The following FOXN3 variants were observed in gnomAD, a reference collection of about 807,000 sequenced individuals.
The protein encoded by FOXN3 is forkhead box protein N3.
Under a neutral mutation model 38.4 loss-of-function variants are expected in FOXN3, and 7 were observed. That is an observed-to-expected ratio of 0.18 (90% CI 0.10 to 0.34). The LOEUF is 0.34. FOXN3 is among the 10% of genes least tolerant of loss of function. The probability of loss-of-function intolerance (pLI) is 1.00; values close to 1 mark genes in which losing one functional copy is unlikely to be tolerated. For missense variants in FOXN3, 456 were observed against 613.4 expected, an observed-to-expected ratio of 0.74 and a Z score of 2.71; for synonymous variants, 230 against 242.2, an observed-to-expected ratio of 0.95 and a Z score of 0.47.
chr14:89,323,775 G>A (rs972771053), intron 3 of FOXN3, among the ~76,000 whole-genome samples: 2 of 151,956 alleles, frequency 1.3e-5, no homozygotes, highest in Non-Finnish European at 2.9e-5. Flanking sequence ...TGACAACATC[G>A]ATCTAAAGGA....
At chr14:89,461,947 A>C (rs1030244370) in intron 1 of FOXN3, among the ~76,000 whole-genome samples, 2 of 152,210 alleles carry the variant, frequency 1.3e-5, no homozygotes, top group Non-Finnish European at 2.9e-5. Context: ...GGCAGTGCAT[A>C]CGACAGGCCC....
chr14:89,281,161 C>T (rs758383821), intron 3 of FOXN3, 147 bp from the exon 4 acceptor site: 1 of 675,428 alleles, frequency 1.5e-6, no homozygotes, highest in East Asian at 2.7e-5. Context: ...ATGAGGTCTG[C>T]TTTATTGTAA....
At position 89,280,942 on chromosome 14, in the gene FOXN3, G is replaced by T; in HGVS notation, c.745+8C>A. 2.5e-6 allele frequency: 4 copies of T among 1,612,766 alleles called. No individual in the cohort carries two copies. The highest frequency in any genetic ancestry group is 3.4e-6 in the Non-Finnish European group (4 of 1,179,136). ...GAGGGAGAGGAAGGGGTGTTACTAG[G>T]GACCTACCTTGGAGAAGGGCTCCAT... On this transcript the variant is annotated splice_region_variant and intron_variant, in intron 4 of 5. Coordinates refer to ENST00000557258, the MANE Select transcript of FOXN3 (RefSeq NM_005197.4).
chr14:89,231,139 A>G (rs1411343989), intron 4 of FOXN3, among the ~76,000 whole-genome samples: 1 of 152,198 alleles, frequency 6.6e-6, no homozygotes, highest in Non-Finnish European at 1.5e-5. Context: ...TGTTCTACTG[A>G]ACATAAAAGA....
chr14:89,556,251 A>G (rs1784316881), intron 1 of FOXN3, among the ~76,000 whole-genome samples: 1 of 152,036 alleles, frequency 6.6e-6, no homozygotes, highest in African/African-American at 2.4e-5. Flanking sequence ...TAAAAATACA[A>G]TATTAGCTGG....
intron 1 of FOXN3, among the ~76,000 whole-genome samples, chr14:89,526,173 CA>C (rs1290601832): frequency 6.6e-6 from 1 of 152,160 alleles, no homozygotes; most frequent in East Asian, 1.9e-4. Context: ...ACTATTATAT[CA>C]GGACTGAATG....
chr14:89,503,363 C>T (rs1396329557), intron 1 of FOXN3, among the ~76,000 whole-genome samples: 1 of 151,624 alleles, frequency 6.6e-6, no homozygotes, highest in African/African-American at 2.4e-5. Context: ...AATAAATCAC[C>T]ATTTATTTTT....
chr14:89,556,602 G>A (rs1895131470), intron 1 of FOXN3, among the ~76,000 whole-genome samples: 2 of 152,068 alleles, frequency 1.3e-5, no homozygotes, highest in African/African-American at 4.8e-5. Context: ...ATAAATAAAT[G>A]AATGCACCAA....
chr14:89,216,154 A>G (rs566828295), intron 4 of FOXN3, among the ~76,000 whole-genome samples: 3 of 152,284 alleles, frequency 2.0e-5, no homozygotes, highest in African/African-American at 7.2e-5. Context: ...CTTACAGAGG[A>G]CTTCCTGTGG....
At chr14:89,444,644 CA>C (rs1241033174) in intron 1 of FOXN3, among the ~76,000 whole-genome samples, 2 of 152,150 alleles carry the variant, frequency 1.3e-5, no homozygotes, top group Non-Finnish European at 2.9e-5. Context: ...TTCTCTGTAT[CA>C]GGTTTCATCA....
At chr14:89,433,119 C>A (rs1015723826) in intron 1 of FOXN3, among the ~76,000 whole-genome samples, 12 of 152,130 alleles carry the variant, frequency 7.9e-5, no homozygotes, top group African/African-American at 2.9e-4. Flanking sequence ...GAGGCCGAGG[C>A]GGGGTGAGTC....
intron 1 of FOXN3, among the ~76,000 whole-genome samples, chr14:89,459,563 C>T (rs1892795863): frequency 6.6e-6 from 1 of 152,172 alleles, no homozygotes; most frequent in Non-Finnish European, 1.5e-5. Context: ...TCAGCCCCGT[C>T]TAGGCAGCTA....
At chr14:89,258,173 C>A (rs1885684660) in intron 4 of FOXN3, among the ~76,000 whole-genome samples, 1 of 152,136 alleles carries the variant, frequency 6.6e-6, no homozygotes, top group Non-Finnish European at 1.5e-5. Context: ...GTTTGCCTGG[C>A]TTTTCTGTAG....
At chr14:89,417,769 C>A, upstream of FOXN3, 1 of 455,476 alleles carries the variant, frequency 2.2e-6, no homozygotes, top group Non-Finnish European at 4.4e-6. Context: ...TCCGAGCCCT[C>A]TCCCAGCGAC....
At chr14:89,297,864 A>G (rs1406919176) in intron 3 of FOXN3, among the ~76,000 whole-genome samples, 1 of 152,308 alleles carries the variant, frequency 6.6e-6, no homozygotes, top group East Asian at 1.9e-4. Flanking sequence ...ACACACCTGT[A>G]GTCCCAGCTA....
At chr14:89,323,895 G>T (rs993652842) in intron 3 of FOXN3, among the ~76,000 whole-genome samples, 2 of 152,114 alleles carry the variant, frequency 1.3e-5, no homozygotes, top group African/African-American at 2.4e-5. Flanking sequence ...CCAAGTTTTG[G>T]CTCTGTCATT....
chr14:89,281,524 C>T (rs79383493), intron 3 of FOXN3, among the ~76,000 whole-genome samples: 3 of 152,140 alleles, frequency 2.0e-5, no homozygotes, highest in East Asian at 1.9e-4. Context: ...CCCCTCTTCT[C>T]GTTTCGTATC....
intron 1 of FOXN3, among the ~76,000 whole-genome samples, chr14:89,582,573 T>A (rs1173273353): frequency 2.1e-5 from 3 of 144,378 alleles, no homozygotes; most frequent in Non-Finnish European, 3.0e-5. Context: ...CACTGCAAGC[T>A]CCACCTCCCG....
intron 1 of FOXN3, among the ~76,000 whole-genome samples, chr14:89,495,259 A>G (rs933955850): frequency 2.0e-5 from 3 of 152,184 alleles, no homozygotes; most frequent in African/African-American, 7.2e-5. Flanking sequence ...GTAGGCTTTA[A>G]AAGTGCAGCT....
Sources: allele counts gnomAD v4.1 joint callset (sites outside exome capture counted in the v4.1 genomes callset), GRCh38; gene constraint gnomAD v4.1.1; transcripts MANE v1.5; gene names NCBI Gene and HGNC (gene_info 2026-07-23, HGNC 2026-07-21).